RBFOX2: variants seen among roughly 807,000 people sequenced by gnomAD.
RBFOX2 encodes RNA binding fox-1 homolog 2, also known as RNA binding protein fox-1 homolog 2.
A neutral mutation model predicts 49.1 loss-of-function variants in RBFOX2; 10 were observed. The ratio of observed to expected loss-of-function variants is 0.20; its 90% CI spans 0.13 to 0.35. The LOEUF (loss-of-function observed/expected upper bound fraction) is 0.35. RBFOX2 is among the 10% of genes least tolerant of loss of function. The probability of loss-of-function intolerance (pLI) is 1.00; values close to 1 mark genes in which losing one functional copy is unlikely to be tolerated. For synonymous variants in RBFOX2, 183 were observed against 187.4 expected, an observed-to-expected ratio of 0.98 and a Z score of 0.19; for missense variants, 323 against 486.9, an observed-to-expected ratio of 0.66 and a Z score of 3.17.
At chr22:35,957,711 T>C (rs1273328352) in intron 1 of RBFOX2, among the ~76,000 whole-genome samples, 1 of 152,210 alleles carries the variant, frequency 6.6e-6, no homozygotes, top group East Asian at 1.9e-4. Flanking sequence ...ACCCAAGTCC[T>C]CTCATTTGTA....
intron 1 of RBFOX2, among the ~76,000 whole-genome samples, chr22:35,949,047 C>T (rs1251608835): frequency 6.6e-6 from 1 of 152,140 alleles, no homozygotes. Flanking sequence ...AAGTACCTCA[C>T]GTGAATAGTC....
At position 35,928,143 on chromosome 22, in the gene RBFOX2, C is replaced by CA. The variant is rs1219844632; in HGVS notation, c.-34+10703dup. 3.9e-5 allele frequency among the ~76,000 whole-genome samples: 6 copies of CA among 152,026 alleles called. No homozygotes were observed. In the South Asian group the frequency reaches 6.2e-4, roughly 16 times the overall value. Reference sequence around the variant, plus strand: ...TTTCACAGATGAAGAAATTGAGGCTCAGAGAACAAAAACTTGCCTAAAGTC... The same window carrying CA: ...TTTCACAGATGAAGAAATTGAGGCTCAAGAGAACAAAAACTTGCCTAAAGTC... On this transcript the variant is annotated intron_variant, in intron 1 of 13. Coordinates refer to the RBFOX2 transcript ENST00000359369.
chr22:35,971,928 A>C (rs1414314763), intron 1 of RBFOX2, among the ~76,000 whole-genome samples: 2 of 150,716 alleles, frequency 1.3e-5, no homozygotes, highest in African/African-American at 2.4e-5. Flanking sequence ...AAAAAAAAAA[A>C]AAAAAAAAAA....
rs554500880 is a variant in RBFOX2 at position 36,027,504 on chromosome 22, T to C, written c.186+736A>G. 5.3e-5 allele frequency among the ~76,000 whole-genome samples: 8 copies of C among 152,330 alleles called. No homozygotes were observed. In the South Asian group the frequency reaches 1.7e-3, roughly 32 times the overall value. On this transcript the variant is annotated intron_variant, in intron 1 of 13. Transcript: ENST00000438146. ...CAGAATTGAGAATCCAGTCTTCTAA[T>C]AGCCCTATAAAAAAATTTTTTTTAT... is the stretch of plus-strand genomic sequence containing the variant.
chr22:35,767,739 C>T (rs1056294629), intron 5 of RBFOX2, among the ~76,000 whole-genome samples: 1 of 152,120 alleles, frequency 6.6e-6, no homozygotes, highest in Non-Finnish European at 1.5e-5. Context: ...ATTATTTCCT[C>T]CCTCCCCACA....
chr22:35,867,599 A>T (rs2043841481), intron 1 of RBFOX2, among the ~76,000 whole-genome samples: 1 of 152,206 alleles, frequency 6.6e-6, no homozygotes, highest in African/African-American at 2.4e-5. Flanking sequence ...TATACTAACT[A>T]AATATTGTTG....
intron 2 of RBFOX2, among the ~76,000 whole-genome samples, chr22:35,782,154 G>A (rs1273675032): frequency 6.6e-6 from 1 of 152,068 alleles, no homozygotes; most frequent in African/African-American, 2.4e-5. Context: ...CTTAGTTATG[G>A]AGGTCACTTC....
rs74594927 is a variant in RBFOX2 at position 36,025,614 on chromosome 22, T to C, written c.186+2626A>G. On this transcript the variant is annotated intron_variant, in intron 1 of 13. Coordinates refer to the RBFOX2 transcript ENST00000438146. ...ATAAACATTAAGTATATTCATGTAATACTCTCACACTTCTTTAAAAATGCA... is the reference window on the plus strand; with the variant it reads ...ATAAACATTAAGTATATTCATGTAACACTCTCACACTTCTTTAAAAATGCA... Among the ~76,000 whole-genome samples, 823 of 152,284 alleles carry C rather than the reference T, an allele frequency of 5.4e-3. 6 individuals carry two copies. The highest frequency in any genetic ancestry group is 0.019 in the African/African-American group (796 of 41,554).
intron 1 of RBFOX2, among the ~76,000 whole-genome samples, chr22:35,832,242 G>A (rs940457883): frequency 2.6e-5 from 4 of 151,950 alleles, no homozygotes; most frequent in African/African-American, 4.8e-5. Context: ...GCATGGTGAC[G>A]CACACCTGTA....
chr22:35,860,575 G>C (rs1287800675), intron 1 of RBFOX2, among the ~76,000 whole-genome samples: 1 of 152,176 alleles, frequency 6.6e-6, no homozygotes, highest in African/African-American at 2.4e-5. Context: ...CCTCAATACT[G>C]ACACCAACAC....
Position 35,847,211 on chromosome 22 carries a change from A to G in RBFOX2, c.-33-37207T>C, listed in dbSNP as rs541877143. On this transcript the variant is annotated intron_variant, in intron 1 of 13. Coordinates refer to the RBFOX2 transcript ENST00000359369. ...AGGTTCTACGAAAATTATAACTAAT[A>G]AAATAATCATTTTCAATGGCACACT... 2.0e-5 allele frequency among the ~76,000 whole-genome samples: 3 copies of G among 152,312 alleles called. No homozygotes were observed. The South Asian group carries it at 6.2e-4, about 32-fold the overall frequency.
At chr22:35,807,396 T>C (rs906580161) in intron 2 of RBFOX2, among the ~76,000 whole-genome samples, 2 of 151,744 alleles carry the variant, frequency 1.3e-5, no homozygotes, top group African/African-American at 2.4e-5. Flanking sequence ...AAAATTGAGA[T>C]CATGTGAAGC....
chr22:35,765,390 A>ATG, intron 6 of RBFOX2, 33 bp downstream of exon 7: 1 of 1,438,536 alleles, frequency 7.0e-7, no homozygotes, highest in Non-Finnish European at 9.6e-7. Flanking sequence ...TTACACAAGA[A>ATG]TAAACACTCT....
intron 4 of RBFOX2, among the ~76,000 whole-genome samples, chr22:35,773,142 TTAAG>T (rs1481106286): frequency 2.6e-5 from 4 of 151,802 alleles, no homozygotes; most frequent in African/African-American, 4.8e-5. Context: ...ACATTACCTA[TTAAG>T]TTTTACTGAA....
In RBFOX2 at chr22:35,958,522, G is replaced by C. The variant is rs187763585; in HGVS notation, c.42+3041C>G. 1.8e-3 allele frequency among the ~76,000 whole-genome samples: 272 copies of C among 152,180 alleles called. 3 individuals carry two copies. The highest frequency in any genetic ancestry group is 0.017 in the South Asian group (81 of 4,818). ...TGCTGTTGCTTCCAATGCCCTACTG[G>C]CTACAACTGCCAACTCTCTGACCTA... On this transcript the variant is annotated intron_variant, in intron 1 of 5. Coordinates refer to the RBFOX2 transcript ENST00000408983.
intron 1 of RBFOX2, among the ~76,000 whole-genome samples, chr22:35,854,596 GA>G (rs970060298): frequency 1.3e-3 from 184 of 138,246 alleles, no homozygotes; most frequent in Non-Finnish European, 2.3e-3. Flanking sequence ...CCTGTCTCTT[GA>G]AAAAAAAAAA....
intron 1 of RBFOX2, among the ~76,000 whole-genome samples, chr22:35,905,623 T>G (rs2049039449): frequency 6.6e-6 from 1 of 152,204 alleles, no homozygotes; most frequent in Non-Finnish European, 1.5e-5. Flanking sequence ...GTTCAGTCCC[T>G]TGAATATGAA....
intron 1 of RBFOX2, among the ~76,000 whole-genome samples, chr22:35,847,791 A>C (rs960842351): frequency 6.6e-6 from 1 of 152,154 alleles, no homozygotes; most frequent in Non-Finnish European, 1.5e-5. Context: ...TAAAGCCAGG[A>C]AAGTGTAGTT....
intron 1 of RBFOX2, among the ~76,000 whole-genome samples, chr22:35,873,952 A>T (rs930409563): frequency 2.0e-5 from 3 of 152,156 alleles, no homozygotes; most frequent in African/African-American, 7.2e-5. Flanking sequence ...TGGGATTACA[A>T]GAGTGAGCCA....
Sources: gnomAD v4.1 joint callset for allele counts (sites outside exome capture counted in the v4.1 genomes callset) on GRCh38, gnomAD v4.1.1 for gene constraint, MANE v1.5 for transcripts, NCBI Gene and HGNC (gene_info 2026-07-23, HGNC 2026-07-21) for gene names.